Variants in AHNAK2 observed in about 807,000 individuals in gnomAD.
The protein encoded by AHNAK2 is AHNAK nucleoprotein 2.
AHNAK2 carries 18 observed loss-of-function variants against 30.7 expected under a neutral mutation model. The ratio of observed to expected loss-of-function variants is 0.59; its 90% CI spans 0.41 to 0.87. The LOEUF is 0.87. Ranked by LOEUF, AHNAK2 falls within the 40% of genes least tolerant of loss-of-function variation. The pLI is 0.00. For missense variants in AHNAK2, 8,604 were observed against 7,373.0 expected (o/e 1.17, Z -6.11); for synonymous variants, 3,590 against 3,073.8 (o/e 1.17, Z -5.56).
In AHNAK2 at chr14:104,950,017, C is replaced by T; in HGVS notation, c.5434G>A (p.Ala1812Thr). 6.3e-7 allele frequency: 1 copy of T among 1,587,366 alleles called. No homozygotes were observed. Residue 1812 changes from alanine to threonine, a missense_variant, in exon 7 of 7, where the codon GCC becomes ACC. Coordinates refer to ENST00000333244, the MANE Select transcript of AHNAK2 (RefSeq NM_138420.4). Reference sequence around the variant, plus strand: ...TCTTTGGCAGTCACATCCTTGTCGGCCAGGGACAGGTCACCCTCCAGCCGC... The same window carrying T: ...TCTTTGGCAGTCACATCCTTGTCGGTCAGGGACAGGTCACCCTCCAGCCGC... Reference protein sequence around the residue: ...SVRLEGDLSLADKDVTAKDSK... With the variant: ...SVRLEGDLSLTDKDVTAKDSK...
At position 104,953,215 on chromosome 14, in the gene AHNAK2, C is replaced by A; in HGVS notation, c.2236G>T (p.Gly746Cys). The change falls in exon 7 of 7, where the codon GGC becomes TGC. Residue 746 changes from glycine to cysteine, a missense_variant. Gly to Cys is a radical substitution (Grantham distance 159, BLOSUM62 -3). Transcript: ENST00000333244. ...DGQVDVKLPE[G>C]PLPEGASLKG... ...AGGCTGGCTCCCTCGGGCAGGGGGC[C>A]CTCCGGAAGTTTCACATCCACTTGG... 1.9e-6 allele frequency: 3 copies of A among 1,612,964 alleles called. No individual in the cohort carries two copies. Among genetic ancestry groups the A allele is most frequent in the Non-Finnish European group, 2.5e-6 (3 of 1,179,654 alleles).
chr14:104,958,720 A>T (rs1899049685), intron 1 of AHNAK2, among the ~76,000 whole-genome samples: 2 of 152,212 alleles, frequency 1.3e-5, no homozygotes, highest in African/African-American at 4.8e-5. Context: ...GAAGAAAAAC[A>T]GAGTCTCAGA....
chr14:104,955,239 A>G, intron 5 of AHNAK2, 98 bp from the exon 6 acceptor site: 1 of 1,412,550 alleles, frequency 7.1e-7, no homozygotes, highest in Non-Finnish European at 9.6e-7. Context: ...GGACATGAAT[A>G]GGGGGAATCC....
rs1218741668 is a variant in AHNAK2, at chr14:104,969,687, GT to G, written c.55+8495del. On this transcript the variant is annotated intron_variant, in intron 1 of 6. Coordinates refer to ENST00000333244, the MANE Select transcript of AHNAK2 (RefSeq NM_138420.4). The stretch of plus-strand genomic sequence containing the variant: ...GTTGATGGGGATGGGAGGGCAGCAG[GT>G]GGGCCCAGTTCATCTCCTTCTGCTC... Among the ~76,000 whole-genome samples, 4 of 152,332 alleles carry G rather than the reference GT, an allele frequency of 2.6e-5. No homozygotes were observed. The East Asian group carries it at 7.7e-4, about 29-fold the overall frequency.
chr14:104,949,616 G>C lies in AHNAK2; in HGVS notation c.5835C>G (p.Pro1945=), dbSNP rs563961975. 1.1e-5 allele frequency: 17 copies of C among 1,588,470 alleles called. 1 individual carries two copies. The highest frequency in any genetic ancestry group is 3.5e-5 in the Admixed American group (2 of 57,514). The change falls in exon 7 of 7, where the codon CCC becomes CCG. Residue 1945 remains proline (P), a synonymous_variant. Transcript: ENST00000333244. ...TGCTGGGCAGAGACACCTCGACATC[G>C]GGGGCTGTCACTTCCGCCTTGGGGC... The part of the protein sequence containing the change: ...LKGPKAEVTA[P]DVEVSLPSME...
Position 104,939,594 on chromosome 14 carries a change from C to A in AHNAK2, c.15857G>T (p.Gly5286Val). Residue 5286 changes from glycine (G) to valine (V), a missense_variant, in exon 7 of 7, where the codon GGG (glycine) becomes GTG (valine). Physicochemically the swap from Gly to Val is moderately radical, Grantham distance 109 (BLOSUM62 -3). Transcript: ENST00000333244. ...TGLKLHLSTAGMTGDELSTSE... is the reference protein window; with the variant it reads ...TGLKLHLSTAVMTGDELSTSE... The stretch of plus-strand genomic sequence containing the variant: ...AGTGGAAAGCTCATCCCCAGTCATC[C>A]CAGCAGTGGAGAGGTGCAGCTTCAA... The A allele has an allele frequency of 1.2e-6, 2 of 1,613,824 alleles. No homozygotes were observed. Among genetic ancestry groups the A allele is most frequent in the South Asian group, 1.1e-5 (1 of 91,086 alleles).
In AHNAK2 at chr14:104,943,573, C is replaced by T; in HGVS notation, c.11878G>A (p.Asp3960Asn). Reference sequence around the variant, plus strand: ...AACTTGCTGTCTTTGGCCGTCATGTCCTTGTCGGCCAGGGACAGGTCCCCC... The same window carrying T: ...AACTTGCTGTCTTTGGCCGTCATGTTCTTGTCGGCCAGGGACAGGTCCCCC... Reference protein sequence around the residue: ...LEGDLSLADKDMTAKDSKFKM... With the variant: ...LEGDLSLADKNMTAKDSKFKM... Residue 3960 changes from aspartate (D) to asparagine (N), a missense_variant, in exon 7 of 7, where the codon GAC becomes AAC. Coordinates refer to ENST00000333244, the MANE Select transcript of AHNAK2 (RefSeq NM_138420.4). 1 of 1,613,144 alleles carries T rather than the reference C, an allele frequency of 6.2e-7. No individual in the cohort carries two copies. Among genetic ancestry groups the T allele is most frequent in the Non-Finnish European group, 8.5e-7 (1 of 1,179,628 alleles).
chr14:104,942,314 C>T lies in AHNAK2; in HGVS notation c.13137G>A (p.Gly4379=). The change falls in exon 7 of 7, where the codon GGG becomes GGA. Residue 4379 remains glycine (G), a synonymous_variant. Transcript: ENST00000333244. ...GPVHEGAGLK[G]HLPKLQMPSF... is the part of the protein sequence containing the mutation. ...TGGGCATCTGCAGCTTCGGCAGGTG[C>T]CCTTTGAGGCCGGCTCCCTCATGCA... The T allele has an allele frequency of 1.9e-6, 3 of 1,613,334 alleles. No individual in the cohort carries two copies. In the South Asian group the frequency reaches 3.3e-5, roughly 18 times the overall value.
In AHNAK2 at chr14:104,947,363, G is replaced by C. The variant is rs1898342889; in HGVS notation, c.8088C>G (p.Ile2696Met). The C allele has an allele frequency of 6.2e-7, 1 of 1,612,654 alleles. No individual in the cohort carries two copies. The highest frequency in any genetic ancestry group is 1.3e-5 in the African/African-American group (1 of 74,392). Residue 2696 changes from isoleucine to methionine, a missense_variant, in exon 7 of 7, where the codon ATC becomes ATG. Coordinates refer to ENST00000333244, the MANE Select transcript of AHNAK2 (RefSeq NM_138420.4). ...SMQGDLKTTD[I>M]SIQPPSAQLE... Reference sequence around the variant, plus strand: ...GTTGGGCAGAGGGGGGCTGAATGCTGATGTCAGTGGTCTTAAGGTCCCCTT... The same window carrying C: ...GTTGGGCAGAGGGGGGCTGAATGCTCATGTCAGTGGTCTTAAGGTCCCCTT...
In AHNAK2 at chr14:104,954,381, TC is replaced by T; in HGVS notation, c.1069del (p.Glu357LysfsTer31). On this transcript the variant is annotated frameshift_variant, in exon 7 of 7. Transcript: ENST00000333244. LOFTEE classifies it low-confidence loss of function (END_TRUNC). This position sits in a 1 kb window ranked among gnomAD's most constrained non-coding sequence, Gnocchi z 4.3. ...QSGVGRAGVL[E>X]ELGPWGDSLE... ...GCTATCACCCCAGGGCCCCAACTCT[TC>T]CAGGACCCCAGCACGGCCCACCCCA... 6.2e-7 allele frequency: 1 copy of T among 1,613,204 alleles called. No homozygotes were observed. The highest frequency in any genetic ancestry group is 8.5e-7 in the Non-Finnish European group (1 of 1,179,824).
chr14:104,944,808 T>G lies in AHNAK2; in HGVS notation c.10643A>C (p.Glu3548Ala). The G allele has an allele frequency of 6.2e-7, 1 of 1,612,786 alleles. No homozygotes were observed. Among genetic ancestry groups the G allele is most frequent in the Non-Finnish European group, 8.5e-7 (1 of 1,179,520 alleles). ...CAGGTGCCCTTTGAGGCCGGCTCCC[T>G]CGGGCACGGGGCCCTCCAGGAGTTC... is the stretch of plus-strand genomic sequence containing the variant. Reference protein sequence around the residue: ...DVELLEGPVPEGAGLKGHLPK... With the variant: ...DVELLEGPVPAGAGLKGHLPK... Residue 3548 changes from glutamate (E) to alanine (A), a missense_variant, in exon 7 of 7, where the codon GAG becomes GCG. Coordinates refer to ENST00000333244, the MANE Select transcript of AHNAK2 (RefSeq NM_138420.4).
chr14:104,952,744 C>T lies in AHNAK2; in HGVS notation c.2707G>A (p.Glu903Lys). 1 of 1,612,804 alleles carries T rather than the reference C, an allele frequency of 6.2e-7. No homozygotes were observed. Among genetic ancestry groups the T allele is most frequent in the Non-Finnish European group, 8.5e-7 (1 of 1,179,642 alleles). The change falls in exon 7 of 7, where the codon GAG becomes AAG. Residue 903 changes from glutamate (E) to lysine (K), a missense_variant. Physicochemically the swap from Glu to Lys is moderately conservative, Grantham distance 56. Transcript: ENST00000333244. ...CCGGCTCCCTCGGGCACAGGGCCCT[C>T]CGGAAGTTTCACATCCACTTGGCCA... is the stretch of plus-strand genomic sequence containing the variant. ...QAGQVDVKLP[E>K]GPVPEGAGPK...
At chr14:104,961,207 G>T (rs1899126192) in intron 1 of AHNAK2, among the ~76,000 whole-genome samples, 1 of 151,774 alleles carries the variant, frequency 6.6e-6, no homozygotes, top group Non-Finnish European at 1.5e-5. Context: ...ACAGGATGGG[G>T]ATGGAGTGCA....
rs1284959515 is a variant in AHNAK2 at position 104,954,280 on chromosome 14, G to A, written c.1171C>T (p.Gln391Ter). ...AEQDREVMPAQSMPLPTELGD... is the reference protein window; with the variant it reads ...AEQDREVMPA Reference sequence around the variant, plus strand: ...AGCTCTGTGGGCAATGGCATGCTCTGAGCAGGCATCACTTCTCGATCCTGT... The same window carrying A: ...AGCTCTGTGGGCAATGGCATGCTCTAAGCAGGCATCACTTCTCGATCCTGT... The change falls in exon 7 of 7, where the codon CAG becomes TAG. Residue 391 changes from glutamine to a stop codon, truncating the protein, a stop_gained. Coordinates refer to ENST00000333244, the MANE Select transcript of AHNAK2 (RefSeq NM_138420.4). LOFTEE classifies it low-confidence loss of function (END_TRUNC). This position sits in a 1 kb window ranked among gnomAD's most constrained non-coding sequence, Gnocchi z 4.3. 6.2e-7 allele frequency: 1 copy of A among 1,613,388 alleles called. No homozygotes were observed. The highest frequency in any genetic ancestry group is 8.5e-7 in the Non-Finnish European group (1 of 1,179,878).
chr14:104,941,993 C>T lies in AHNAK2; in HGVS notation c.13458G>A (p.Val4486=). Residue 4486 remains valine (V), a synonymous_variant, in exon 7 of 7, where the codon GTG becomes GTA. Transcript: ENST00000333244. ...CCTCCATCTTTGGCGCAGACACATC[C>T]ACCGAGACCTCGATGGACTTGCCTG... The part of the protein sequence containing the change: ...LSPGKSIEVS[V]DVSAPKMEAD... 1 of 1,613,640 alleles carries T rather than the reference C, an allele frequency of 6.2e-7. No individual in the cohort carries two copies. The highest frequency in any genetic ancestry group is 8.5e-7 in the Non-Finnish European group (1 of 1,179,758).
rs904090630 is a variant in AHNAK2, at chr14:104,954,892, C to T, written c.651+65G>A. 8 of 1,547,740 alleles carry T rather than the reference C, an allele frequency of 5.2e-6. No individual in the cohort carries two copies. Among genetic ancestry groups the T allele is most frequent in the Non-Finnish European group, 7.0e-6 (8 of 1,147,856 alleles). Reference sequence around the variant, plus strand: ...GATGGAGTGGGAGTGCTATCCCCTCCCAGGCTCAGCCAGCAGGGTAGTGAA... The same window carrying T: ...GATGGAGTGGGAGTGCTATCCCCTCTCAGGCTCAGCCAGCAGGGTAGTGAA... On this transcript the variant is annotated intron_variant, in intron 6 of 6. Transcript: ENST00000333244. This position sits in a 1 kb window ranked among gnomAD's most constrained non-coding sequence, Gnocchi z 4.3.
rs776399984 is a variant in AHNAK2 at position 104,947,674 on chromosome 14, G to A, written c.7777C>T (p.Leu2593=). The change falls in exon 7 of 7, where the codon CTG becomes TTG. Residue 2593 remains leucine, a synonymous_variant. Transcript: ENST00000333244. ...TCCGCCTTGGGGCCTTTCAGGTCCA[G>A]CTTGGGGCCCTTGACATCTAGCTGG... ...GPQLDVKGPK[L]DLKGPKAEVT... 6.2e-7 allele frequency: 1 copy of A among 1,612,460 alleles called. No homozygotes were observed. The highest frequency in any genetic ancestry group is 8.5e-7 in the Non-Finnish European group (1 of 1,179,486).
chr14:104,976,408 T>C (rs1305346904), intron 1 of AHNAK2, among the ~76,000 whole-genome samples: 2 of 151,958 alleles, frequency 1.3e-5, no homozygotes, highest in Non-Finnish European at 2.9e-5. Context: ...AGTCCGCCCA[T>C]CTCCAGCCTG....
Position 104,949,809 on chromosome 14 carries a change from A to G in AHNAK2, c.5642T>C (p.Val1881Ala). 3.2e-6 allele frequency: 5 copies of G among 1,581,276 alleles called. No individual in the cohort carries two copies. The highest frequency in any genetic ancestry group is 4.3e-6 in the Non-Finnish European group (5 of 1,160,816). ...CATGTCCACTTGGCCAGCCTGGACC[A>G]CCAGGTCTGCAGAAGGGAGCGGAAT... Reference protein sequence around the residue: ...LCIPLPSADLVVQAGQVDMKL... With the variant: ...LCIPLPSADLAVQAGQVDMKL... Residue 1881 changes from valine (V) to alanine (A), a missense_variant, in exon 7 of 7, where the codon GTG becomes GCG. By Grantham distance (64) the Val-to-Ala change is moderately conservative. Transcript: ENST00000333244.
Sources: gnomAD v4.1 joint callset for allele counts (sites outside exome capture counted in the v4.1 genomes callset) on GRCh38, gnomAD v4.1.1 for gene constraint, Gnocchi (gnomAD v3.1) non-coding constraint, MANE v1.5 for transcripts, NCBI Gene and HGNC (gene_info 2026-07-23, HGNC 2026-07-21) for gene names.